The following NCK2 variants were observed in gnomAD, a reference collection of about 807,000 sequenced individuals.
NCK2 encodes the protein cytoplasmic protein NCK2.
In NCK2, 16 loss-of-function variants were observed where a neutral mutation model predicts 33.9. The observed-to-expected ratio is 0.47, with a 90% confidence interval of 0.32 to 0.72. The LOEUF (loss-of-function observed/expected upper bound fraction) is 0.72, where lower values mean the gene tolerates loss of function less well. NCK2 is among the 30% of genes least tolerant of loss of function. NCK2 has a pLI of 0.03. For synonymous variants in NCK2, 273 were observed against 239.9 expected (o/e 1.14, Z -1.27); for missense variants, 418 against 537.3 (o/e 0.78, Z 2.19).
At chr2:105,794,486 A>G (rs998113526) in intron 1 of NCK2, among the ~76,000 whole-genome samples, 2 of 152,074 alleles carry the variant, frequency 1.3e-5, no homozygotes, top group African/African-American at 2.4e-5. Context: ...CCCCACCAAT[A>G]TAATTGCAAA....
intron 1 of NCK2, among the ~76,000 whole-genome samples, chr2:105,777,836 T>C (rs918999136): frequency 2.0e-5 from 3 of 152,220 alleles, no homozygotes; most frequent in Non-Finnish European, 2.9e-5. Context: ...CCGAGCTCCC[T>C]TTGCAGTTCT....
intron 1 of NCK2, among the ~76,000 whole-genome samples, chr2:105,796,258 G>A (rs1296745009): frequency 6.6e-6 from 1 of 152,222 alleles, no homozygotes; most frequent in Non-Finnish European, 1.5e-5. Flanking sequence ...TGGCTGGTGG[G>A]CAGAGTGGTG....
chr2:105,870,862 T>C (rs1266673580), intron 3 of NCK2, among the ~76,000 whole-genome samples: 1 of 152,024 alleles, frequency 6.6e-6, no homozygotes, highest in African/African-American at 2.4e-5. Context: ...ACACAGCCAG[T>C]AACAGCGGTG....
intron 1 of NCK2, among the ~76,000 whole-genome samples, chr2:105,788,272 T>A (rs1573593594): frequency 1.3e-5 from 2 of 152,258 alleles, no homozygotes; most frequent in Middle Eastern, 6.8e-3. Flanking sequence ...CCCTTGAAAC[T>A]TCTACACCCA....
chr2:105,861,658 G>A (rs1357857020), intron 3 of NCK2, among the ~76,000 whole-genome samples: 1 of 151,950 alleles, frequency 6.6e-6, no homozygotes, highest in Non-Finnish European at 1.5e-5. Flanking sequence ...GGGACTACAG[G>A]TGTGTATCAC....
chr2:105,852,329 T>G (rs1162912138), intron 2 of NCK2, among the ~76,000 whole-genome samples: 1 of 152,136 alleles, frequency 6.6e-6, no homozygotes, highest in Non-Finnish European at 1.5e-5. Context: ...CAGGGGAAGT[T>G]CTGTGGGGTG....
intron 1 of NCK2, among the ~76,000 whole-genome samples, chr2:105,751,982 A>G (rs1341312715): frequency 6.6e-6 from 1 of 152,250 alleles, no homozygotes; most frequent in Non-Finnish European, 1.5e-5. Flanking sequence ...TGCCCAATAT[A>G]TATATAAACT....
chr2:105,885,217 C>G (rs998401281), intron 4 of NCK2, among the ~76,000 whole-genome samples: 1 of 152,160 alleles, frequency 6.6e-6, no homozygotes, highest in Non-Finnish European at 1.5e-5. Context: ...GGCCATTTTC[C>G]TCTGTAAGAT....
intron 1 of NCK2, among the ~76,000 whole-genome samples, chr2:105,792,763 A>G (rs1690936848): frequency 6.6e-6 from 1 of 152,166 alleles, no homozygotes; most frequent in Non-Finnish European, 1.5e-5. Flanking sequence ...TTTTCTGGCA[A>G]GGCTGCCCCT....
At chr2:105,811,256 C>G (rs1675285486) in intron 1 of NCK2, among the ~76,000 whole-genome samples, 1 of 151,742 alleles carries the variant, frequency 6.6e-6, no homozygotes, top group Non-Finnish European at 1.5e-5. Flanking sequence ...TTGATAATGT[C>G]CATTCCCATA....
At chr2:105,821,075 C>A (rs1415946931) in intron 2 of NCK2, among the ~76,000 whole-genome samples, 1 of 152,196 alleles carries the variant, frequency 6.6e-6, no homozygotes, top group African/African-American at 2.4e-5. Context: ...AAAACGCTAT[C>A]CAGTAATATT....
At chr2:105,838,405 T>A (rs1676514100) in intron 2 of NCK2, among the ~76,000 whole-genome samples, 1 of 152,128 alleles carries the variant, frequency 6.6e-6, no homozygotes, top group African/African-American at 2.4e-5. Context: ...TATCTGTGGC[T>A]GCACTAATCA....
intron 2 of NCK2, among the ~76,000 whole-genome samples, chr2:105,831,545 A>G (rs1676188750): frequency 6.6e-6 from 1 of 152,006 alleles, no homozygotes; most frequent in African/African-American, 2.4e-5. Context: ...TAAGTCTTTA[A>G]TCAATTTTGA....
At chr2:105,849,068 C>T (rs1676961079) in intron 2 of NCK2, among the ~76,000 whole-genome samples, 1 of 152,046 alleles carries the variant, frequency 6.6e-6, no homozygotes, top group South Asian at 2.1e-4. Flanking sequence ...TTTTGTCTCC[C>T]TGCGTATATT....
intron 2 of NCK2, among the ~76,000 whole-genome samples, chr2:105,849,205 A>G (rs1214304907): frequency 6.6e-6 from 1 of 152,156 alleles, no homozygotes; most frequent in South Asian, 2.1e-4. Flanking sequence ...CAACATAGAT[A>G]TTTTTTGTAG....
chr2:105,766,025 G>T (rs11681892), intron 1 of NCK2, among the ~76,000 whole-genome samples: 51,166 of 151,962 alleles, frequency 0.34, 9,739 homozygotes, highest in East Asian at 0.46. Context: ...CTGGTACTCT[G>T]GCCCAGACTT....
chr2:105,875,453 G>T (rs1229931481), intron 3 of NCK2, among the ~76,000 whole-genome samples: 3 of 152,198 alleles, frequency 2.0e-5, no homozygotes, highest in Admixed American at 6.5e-5. Context: ...CCAAGCTGCT[G>T]CAGACTGAAC....
rs1220812337 is a variant in NCK2, at chr2:105,846,082, C to G, written c.-16-8966C>G. 3.3e-5 allele frequency among the ~76,000 whole-genome samples: 5 copies of G among 152,124 alleles called. No individual in the cohort carries two copies. The East Asian group carries it at 9.7e-4, about 29-fold the overall frequency. ...TGTTGATTTTCCAAAATGCTGGCAC[C>G]AGGGAATCACTTGACAGTCACAGCC... On this transcript the variant is annotated intron_variant, in intron 2 of 4. Transcript: ENST00000233154.
chr2:105,792,908 A>G (rs1690942209), intron 1 of NCK2, among the ~76,000 whole-genome samples: 1 of 152,260 alleles, frequency 6.6e-6, no homozygotes, highest in South Asian at 2.1e-4. Flanking sequence ...CTTGCTAGCC[A>G]GGTGAGGAGA....
Sources: allele counts gnomAD v4.1 joint callset (sites outside exome capture counted in the v4.1 genomes callset), GRCh38; gene constraint gnomAD v4.1.1; transcripts MANE v1.5; gene names NCBI Gene and HGNC (gene_info 2026-07-23, HGNC 2026-07-21).